The following TMTC2 variants were observed in gnomAD, a reference collection of about 807,000 sequenced individuals.
TMTC2 encodes the protein protein O-mannosyl-transferase TMTC2.
In TMTC2, 43 loss-of-function variants were observed where a neutral mutation model predicts 82.4. The observed-to-expected ratio is 0.52, with a 90% CI of 0.41 to 0.67. TMTC2 has a LOEUF of 0.67. Ranked by LOEUF, TMTC2 falls within the 30% of genes least tolerant of loss-of-function variation. The pLI is 0.00. For synonymous variants in TMTC2, 408 were observed against 381.9 expected, an observed-to-expected ratio of 1.07 and a Z score of -0.80; for missense variants, 919 against 1,012.4, an observed-to-expected ratio of 0.91 and a Z score of 1.25.
intron 8 of TMTC2, among the ~76,000 whole-genome samples, chr12:82,997,185 C>A (rs1418161403): frequency 7.7e-6 from 1 of 129,538 alleles, no homozygotes; most frequent in Non-Finnish European, 1.6e-5. Context: ...TCCCACCCCT[C>A]CCCCTCTCCC....
At chr12:82,959,369 A>G (rs2137292427) in intron 4 of TMTC2, among the ~76,000 whole-genome samples, 1 of 152,300 alleles carries the variant, frequency 6.6e-6, no homozygotes, top group East Asian at 1.9e-4. Flanking sequence ...TAGCCAAAGT[A>G]ATTCTAAGCA....
intron 2 of TMTC2, among the ~76,000 whole-genome samples, chr12:82,887,665 A>G (rs1873169324): frequency 6.6e-6 from 1 of 150,960 alleles, no homozygotes; most frequent in Non-Finnish European, 1.5e-5. Flanking sequence ...TTCAGGAAAA[A>G]CTCTCTAAAA....
chr12:82,856,961 T>C (rs1045550294), intron 1 of TMTC2, 49 bp from the exon 2 acceptor site: 1 of 1,528,236 alleles, frequency 6.5e-7, no homozygotes, highest in African/African-American at 1.4e-5. Flanking sequence ...ATATTTTTTC[T>C]TTCTTTCTGT....
chr12:82,898,363 C>T (rs1335838059), intron 3 of TMTC2, among the ~76,000 whole-genome samples: 6 of 152,088 alleles, frequency 3.9e-5, no homozygotes, highest in Admixed American at 3.9e-4. Flanking sequence ...ATTTATTTTC[C>T]TGCTGTTTAA....
chr12:82,912,418 C>T (rs902954495), intron 3 of TMTC2, among the ~76,000 whole-genome samples: 1 of 152,152 alleles, frequency 6.6e-6, no homozygotes, highest in Non-Finnish European at 1.5e-5. Flanking sequence ...CTTACCTCTC[C>T]TTGCTTAGGA....
chr12:82,718,426 G>A (rs1182912402), intron 1 of TMTC2, among the ~76,000 whole-genome samples: 3 of 152,200 alleles, frequency 2.0e-5, no homozygotes, highest in Non-Finnish European at 4.4e-5. Context: ...CCAGGCAGGG[G>A]TTTTAATTCC....
Position 83,132,279 on chromosome 12 carries a change from A to G in TMTC2, c.2401A>G (p.Asn801Asp). The part of the protein sequence containing the change: ...LNGRLQKAEA[N>D]YLRALQLKPD... The stretch of plus-strand genomic sequence containing the variant: ...TGGCAGACTCCAGAAGGCCGAGGCC[A>G]ACTACCTGCGGGCCCTGCAGCTCAA... The change falls in exon 12 of 12, where the codon AAC becomes GAC. Residue 801 changes from asparagine to aspartate, a missense_variant. Asn to Asp is a conservative substitution (Grantham distance 23). Transcript: ENST00000321196. 1 of 1,614,028 alleles carries G rather than the reference A, an allele frequency of 6.2e-7. No homozygotes were observed. The highest frequency in any genetic ancestry group is 1.3e-5 in the African/African-American group (1 of 75,048).
In TMTC2 at chr12:83,132,196, T is replaced by C; in HGVS notation, c.2332-14T>C. 1 of 1,579,572 alleles carries C rather than the reference T, an allele frequency of 6.3e-7. No individual in the cohort carries two copies. The highest frequency in any genetic ancestry group is 8.6e-7 in the Non-Finnish European group (1 of 1,166,164). ...ATGGCCTCCTAATTGTTTTCCTTCT[T>C]TCTCTTGTTGCAGTATCCGGCTGCT... is the stretch of plus-strand genomic sequence containing the variant. On this transcript the variant is annotated splice_polypyrimidine_tract_variant and intron_variant, in intron 11 of 11. Coordinates refer to ENST00000321196, the MANE Select transcript of TMTC2 (RefSeq NM_152588.3).
chr12:82,950,407 AG>A (rs1490074767), intron 4 of TMTC2, among the ~76,000 whole-genome samples: 7 of 152,186 alleles, frequency 4.6e-5, no homozygotes, highest in Non-Finnish European at 1.0e-4. Flanking sequence ...TATATTCAAA[AG>A]GTAGGTACAA....
In TMTC2 at chr12:82,687,817, A is replaced by C. The variant is rs564385004; in HGVS notation, c.83+148A>C. 5 of 735,298 alleles carry C rather than the reference A, an allele frequency of 6.8e-6. No individual in the cohort carries two copies. The South Asian group carries it at 7.7e-5, about 11-fold the overall frequency. 45.5% of individuals were successfully genotyped at this position (735,298 alleles called of 1,614,324 possible). ...GGCGACACGTAAACATTAACACCTA[A>C]ATCAAACACCGGGGACGTGAGGCGC... On this transcript the variant is annotated intron_variant, in intron 1 of 11. Coordinates refer to ENST00000321196, the MANE Select transcript of TMTC2 (RefSeq NM_152588.3).
rs372320819 is a variant in TMTC2 at position 82,905,110 on chromosome 12, G to A, written c.1483+8464G>A. ...TTTCTAAGTTATGTTCTTTGTGACC[G>A]CCTATCTATGAGGAACTTTTCCACC... On this transcript the variant is annotated intron_variant, in intron 3 of 11. Coordinates refer to ENST00000321196, the MANE Select transcript of TMTC2 (RefSeq NM_152588.3). 2.0e-3 allele frequency among the ~76,000 whole-genome samples: 299 copies of A among 151,102 alleles called. 1 individual carries two copies. The highest frequency in any genetic ancestry group is 2.9e-3 in the Non-Finnish European group (200 of 67,928).
chr12:83,115,505 C>T (rs985805581), intron 11 of TMTC2, among the ~76,000 whole-genome samples: 2 of 152,066 alleles, frequency 1.3e-5, no homozygotes, highest in Admixed American at 6.6e-5. Flanking sequence ...CAGATATCTT[C>T]TTATATAGAA....
At chr12:82,733,733 T>C (rs927542655) in intron 1 of TMTC2, among the ~76,000 whole-genome samples, 7 of 152,206 alleles carry the variant, frequency 4.6e-5, no homozygotes, top group Non-Finnish European at 1.0e-4. Context: ...ACACTGGAGA[T>C]ACTTTATCTA....
At chr12:83,122,336 G>A (rs7954244) in intron 11 of TMTC2, among the ~76,000 whole-genome samples, 3,779 of 150,960 alleles carry the variant, frequency 0.025, 157 homozygotes, top group African/African-American at 0.088. Flanking sequence ...GTTCTGGCCA[G>A]GAGACTTCCT....
chr12:82,798,071 T>C (rs1255841269), intron 1 of TMTC2, among the ~76,000 whole-genome samples: 3 of 149,542 alleles, frequency 2.0e-5, no homozygotes, highest in Admixed American at 6.7e-5. Flanking sequence ...TTCTCCTGCC[T>C]CAGGCTCCTG....
intron 3 of TMTC2, among the ~76,000 whole-genome samples, chr12:82,909,971 G>C (rs998387069): frequency 6.6e-6 from 1 of 152,042 alleles, no homozygotes; most frequent in African/African-American, 2.4e-5. Flanking sequence ...TCAAATTACA[G>C]GTATTTGAAC....
chr12:82,882,838 A>T (rs1872899271), intron 2 of TMTC2, among the ~76,000 whole-genome samples: 1 of 152,066 alleles, frequency 6.6e-6, no homozygotes, highest in Non-Finnish European at 1.5e-5. Context: ...CAGGCAGATC[A>T]CAAGGTCAGG....
intron 6 of TMTC2, 105 bp downstream of exon 6, chr12:82,965,849 A>G (rs914426604): frequency 5.8e-6 from 7 of 1,200,672 alleles, no homozygotes; most frequent in Non-Finnish European, 8.5e-6. Context: ...TTGAACAACT[A>G]ATATGTATAC....
chr12:82,764,078 T>C (rs879520404), intron 1 of TMTC2, among the ~76,000 whole-genome samples: 2 of 152,200 alleles, frequency 1.3e-5, no homozygotes, highest in Non-Finnish European at 2.9e-5. Flanking sequence ...AGCATAATTC[T>C]TTACATCAAT....
Sources: gnomAD v4.1 joint callset for allele counts (sites outside exome capture counted in the v4.1 genomes callset) on GRCh38, gnomAD v4.1.1 for gene constraint, MANE v1.5 for transcripts, NCBI Gene and HGNC (gene_info 2026-07-23, HGNC 2026-07-21) for gene names.